Variants in LDLRAD3 observed in about 807,000 individuals in gnomAD.
LDLRAD3 encodes low-density lipoprotein receptor class A domain-containing protein 3.
In LDLRAD3, 20 loss-of-function variants were observed where a neutral mutation model predicts 29.4. That is an observed-to-expected ratio of 0.68 (90% CI 0.48 to 0.99). LDLRAD3 has a LOEUF of 0.99. Among genes scored for constraint, LDLRAD3 ranks in the 50% least tolerant of loss-of-function variants. The pLI, the probability that LDLRAD3 is intolerant of heterozygous loss-of-function variation, is 0.00. For missense variants in LDLRAD3, 420 were observed against 454.3 expected (o/e 0.92, Z 0.69); for synonymous variants, 157 against 192.7 (o/e 0.81, Z 1.53).
intron 4 of LDLRAD3, among the ~76,000 whole-genome samples, chr11:36,183,603 C>T (rs1029074923): frequency 6.6e-6 from 1 of 152,170 alleles, no homozygotes; most frequent in African/African-American, 2.4e-5. Context: ...TAGATGGACA[C>T]CACACCTGCT....
chr11:35,952,129 C>T (rs1476512895), intron 1 of LDLRAD3, among the ~76,000 whole-genome samples: 3 of 152,090 alleles, frequency 2.0e-5, no homozygotes, highest in Non-Finnish European at 4.4e-5. Flanking sequence ...TATGCTTTAC[C>T]GTTTTATAGA....
intron 1 of LDLRAD3, among the ~76,000 whole-genome samples, chr11:35,954,101 A>G (rs1053198911): frequency 2.6e-5 from 4 of 152,224 alleles, no homozygotes; most frequent in African/African-American, 9.6e-5. Flanking sequence ...TGACATAATA[A>G]AGGTTTAGCA....
intron 4 of LDLRAD3, among the ~76,000 whole-genome samples, chr11:36,169,562 C>G (rs1854565486): frequency 6.6e-6 from 1 of 152,178 alleles, no homozygotes; most frequent in Non-Finnish European, 1.5e-5. Context: ...GTTTCTGTGC[C>G]TGGCTTATTT....
intron 4 of LDLRAD3, among the ~76,000 whole-genome samples, chr11:36,119,665 G>A (rs1322299716): frequency 7.0e-6 from 1 of 142,512 alleles, no homozygotes; most frequent in East Asian, 2.2e-4. Flanking sequence ...GCTGTCCTTT[G>A]CCCATTTGTA....
At chr11:36,185,184 G>A (rs1854828618) in intron 4 of LDLRAD3, among the ~76,000 whole-genome samples, 1 of 152,124 alleles carries the variant, frequency 6.6e-6, no homozygotes, top group African/African-American at 2.4e-5. Context: ...AGACAAAACT[G>A]AAGCTGTCCT....
At chr11:36,082,043 T>C (rs914330366) in intron 3 of LDLRAD3, among the ~76,000 whole-genome samples, 1 of 152,246 alleles carries the variant, frequency 6.6e-6, no homozygotes, top group South Asian at 2.1e-4. Flanking sequence ...AGATGTATTA[T>C]CCTTAGTTAA....
At chr11:36,122,376 G>A (rs1038344698) in intron 4 of LDLRAD3, among the ~76,000 whole-genome samples, 1 of 152,092 alleles carries the variant, frequency 6.6e-6, no homozygotes, top group African/African-American at 2.4e-5. Flanking sequence ...GTTAGGAACT[G>A]ATGAAGCCAC....
chr11:36,077,317 G>T, intron 2 of LDLRAD3, among the ~76,000 whole-genome samples: 1 of 152,126 alleles, frequency 6.6e-6, no homozygotes, highest in East Asian at 1.9e-4. Flanking sequence ...TTCTTATATG[G>T]AGGGCAGCAA....
chr11:36,068,806 G>A (rs1251121877), intron 2 of LDLRAD3, among the ~76,000 whole-genome samples: 3 of 152,218 alleles, frequency 2.0e-5, no homozygotes, highest in East Asian at 1.9e-4. Context: ...GTGAGCCACC[G>A]CGCCCAGCCC....
chr11:36,147,243 G>C (rs1309358193), intron 4 of LDLRAD3, among the ~76,000 whole-genome samples: 3 of 148,412 alleles, frequency 2.0e-5, no homozygotes, highest in African/African-American at 7.5e-5. Context: ...TCAGCCTCCC[G>C]AGTAGCTAGG....
rs974501069 is a variant in LDLRAD3, at chr11:36,129,559, C to T, written c.454+31098C>T. Among the ~76,000 whole-genome samples, 8 of 152,164 alleles carry T rather than the reference C, an allele frequency of 5.3e-5. No homozygotes were observed. The East Asian group carries it at 5.8e-4, about 11-fold the overall frequency. ...TGTTCTGCACTCAGATTTTATAAATCGTCCTTTGTGCCAGGTCCCTTCCCG... is the reference window on the plus strand; with the variant it reads ...TGTTCTGCACTCAGATTTTATAAATTGTCCTTTGTGCCAGGTCCCTTCCCG... On this transcript the variant is annotated intron_variant, in intron 4 of 5. Transcript: ENST00000315571.
chr11:36,221,097 C>A (rs750066574), intron 4 of LDLRAD3, among the ~76,000 whole-genome samples: 1 of 151,658 alleles, frequency 6.6e-6, no homozygotes, highest in Non-Finnish European at 1.5e-5. Flanking sequence ...CCTGTAGTCC[C>A]AGCACTTTGG....
At chr11:36,145,774 A>G (rs1384945100) in intron 4 of LDLRAD3, among the ~76,000 whole-genome samples, 1 of 150,746 alleles carries the variant, frequency 6.6e-6, no homozygotes, top group Non-Finnish European at 1.5e-5. Context: ...GGGTGGTGCA[A>G]GATGTGCTTT....
chr11:36,185,492 T>G (rs1854834475), intron 4 of LDLRAD3, among the ~76,000 whole-genome samples: 1 of 152,150 alleles, frequency 6.6e-6, no homozygotes. Flanking sequence ...AAATGCAGTT[T>G]GAGGAATGCA....
chr11:36,167,060 G>A (rs1459893511), intron 4 of LDLRAD3, among the ~76,000 whole-genome samples: 1 of 152,210 alleles, frequency 6.6e-6, no homozygotes, highest in Admixed American at 6.5e-5. Context: ...TAATAGAATA[G>A]GATGTAGATA....
intron 2 of LDLRAD3, among the ~76,000 whole-genome samples, chr11:36,042,623 C>T (rs1293962540): frequency 6.6e-6 from 1 of 152,144 alleles, no homozygotes. Flanking sequence ...GTCCTAACCC[C>T]CAGTATTTCA....
At chr11:35,982,386 T>A (rs1039961542) in intron 1 of LDLRAD3, among the ~76,000 whole-genome samples, 1 of 149,458 alleles carries the variant, frequency 6.7e-6, no homozygotes, top group African/African-American at 2.6e-5. Context: ...CCCCTCTTTA[T>A]GAGGACGCCA....
intron 4 of LDLRAD3, among the ~76,000 whole-genome samples, chr11:36,152,960 T>A (rs973475081): frequency 6.6e-6 from 1 of 152,094 alleles, no homozygotes; most frequent in African/African-American, 2.4e-5. Flanking sequence ...AATCAAGCAG[T>A]CTCCTTTCTT....
At chr11:36,152,503 A>G (rs1854291396) in intron 4 of LDLRAD3, among the ~76,000 whole-genome samples, 1 of 152,148 alleles carries the variant, frequency 6.6e-6, no homozygotes, top group Non-Finnish European at 1.5e-5. Context: ...AACCTCTTTC[A>G]TAATGAAATC....
Sources: gnomAD v4.1 joint callset for allele counts (sites outside exome capture counted in the v4.1 genomes callset) on GRCh38, gnomAD v4.1.1 for gene constraint, MANE v1.5 for transcripts, NCBI Gene and HGNC (gene_info 2026-07-23, HGNC 2026-07-21) for gene names.